Variants in RFX7 observed in about 807,000 individuals in gnomAD.
RFX7 encodes regulatory factor X7.
In RFX7, 26 loss-of-function variants were observed where a neutral mutation model predicts 111.8. The observed-to-expected ratio is 0.23, with a 90% CI of 0.17 to 0.32. The LOEUF (loss-of-function observed/expected upper bound fraction) is 0.32. RFX7 is among the 10% of genes least tolerant of loss of function. The probability of loss-of-function intolerance (pLI) is 1.00; values close to 1 mark genes in which losing one functional copy is unlikely to be tolerated. For missense variants in RFX7, 1,573 were observed against 1,772.9 expected (o/e 0.89, Z 2.02); for synonymous variants, 624 against 624.4 (o/e 1.00, Z 0.01).
chr15:56,177,562 T>A (rs971856098), intron 3 of RFX7, among the ~76,000 whole-genome samples: 1 of 152,190 alleles, frequency 6.6e-6, no homozygotes, highest in Non-Finnish European at 1.5e-5. Flanking sequence ...ATTTCTGAAC[T>A]CTTAAAAGAC....
chr15:56,131,982 T>A (rs1230193279), intron 5 of RFX7, among the ~76,000 whole-genome samples: 2 of 152,090 alleles, frequency 1.3e-5, no homozygotes, highest in African/African-American at 4.8e-5. Context: ...TATTTATTCA[T>A]TTTTTCATAT....
At chr15:56,238,309 T>A in intron 2 of RFX7, among the ~76,000 whole-genome samples, 1 of 152,170 alleles carries the variant, frequency 6.6e-6, no homozygotes, top group Admixed American at 6.5e-5. Context: ...TTGATTGTCA[T>A]CATCATAAGA....
intron 2 of RFX7, among the ~76,000 whole-genome samples, chr15:56,218,598 A>G (rs72738682): frequency 0.13 from 19,810 of 152,212 alleles, 1,696 homozygotes; most frequent in East Asian, 0.44. Flanking sequence ...CTAGGCCTCT[A>G]GAGGTGAGGA....
rs950189120 is a variant in RFX7, at chr15:56,112,574, C to T, written c.402-8904G>A. Among the ~76,000 whole-genome samples, 17 of 152,118 alleles carry T rather than the reference C, an allele frequency of 1.1e-4. No individual in the cohort carries two copies. In the South Asian group the frequency reaches 2.1e-3, roughly 19 times the overall value. On this transcript the variant is annotated intron_variant, in intron 5 of 9. Coordinates refer to ENST00000559447, the MANE Select transcript of RFX7 (RefSeq NM_022841.7). ...ATCCTAGAAGAAAATCTAGGCAATA[C>T]CATTCAGGACATAGGCATGGGAGAA...
chr15:56,102,381 C>T, intron 6 of RFX7, 128 bp from the exon 7 acceptor site: 1 of 536,884 alleles, frequency 1.9e-6, no homozygotes, highest in Admixed American at 3.6e-5. Context: ...TTTCTGAATT[C>T]TTCAGTAAGA....
intron 2 of RFX7, among the ~76,000 whole-genome samples, chr15:56,232,440 G>C (rs1208554239): frequency 6.6e-6 from 1 of 152,092 alleles, no homozygotes; most frequent in Admixed American, 6.5e-5. Flanking sequence ...TTACCTCCTA[G>C]GCCGCTGGGT....
intron 5 of RFX7, among the ~76,000 whole-genome samples, chr15:56,105,844 G>GTT (rs1267353819): frequency 1.3e-5 from 2 of 152,112 alleles, no homozygotes; most frequent in Non-Finnish European, 1.5e-5. Context: ...AAAGGCTCAT[G>GTT]TTTTTAAAGA....
At chr15:56,139,324 C>T (rs1235005914) in intron 5 of RFX7, among the ~76,000 whole-genome samples, 2 of 151,908 alleles carry the variant, frequency 1.3e-5, no homozygotes, top group East Asian at 3.9e-4. Context: ...TCTTTTTATT[C>T]TTTTTTCTCT....
rs767136127 is a variant in RFX7 at position 56,093,823 on chromosome 15, A to C, written c.3905T>G (p.Ile1302Ser). 3.7e-6 allele frequency: 6 copies of C among 1,613,914 alleles called. No homozygotes were observed. In the Admixed American group the frequency reaches 8.3e-5, roughly 22 times the overall value. ...VFPSANPQNMIDSSTSVYEFQ... is the reference protein window; with the variant it reads ...VFPSANPQNMSDSSTSVYEFQ... ...CTCATAAACAGAAGTGCTGGAATCG[A>C]TCATATTTTGTGGGTTGGCACTAGG... The change falls in exon 10 of 10, where the codon ATC becomes AGC. Residue 1302 changes from isoleucine (I) to serine (S), a missense_variant. Ile to Ser is a moderately radical substitution (Grantham distance 142). This residue lies in a region of RFX7 where 411 missense variants were observed against 478.1 expected (regional missense o/e 0.86). Coordinates refer to ENST00000559447, the MANE Select transcript of RFX7 (RefSeq NM_022841.7).
intron 3 of RFX7, among the ~76,000 whole-genome samples, chr15:56,148,975 C>T (rs1053647209): frequency 1.7e-4 from 25 of 150,414 alleles, no homozygotes; most frequent in East Asian, 5.9e-4. Flanking sequence ...CCCAGCTACT[C>T]GGGAGGCTGA....
Position 56,094,875 on chromosome 15 carries a change from T to C in RFX7, c.2853A>G (p.Thr951=), listed in dbSNP as rs1451977031. 1.3e-5 allele frequency: 20 copies of C among 1,550,400 alleles called. No individual in the cohort carries two copies. Among genetic ancestry groups the C allele is most frequent in the Non-Finnish European group, 1.7e-5 (19 of 1,146,786 alleles). Residue 951 remains threonine (T), a synonymous_variant, in exon 10 of 10, where the codon ACA becomes ACG. Transcript: ENST00000559447. ...NGTPIHTPTP[T]PTPTPTPTPT... ...GGGTTGGAGTAGGAGTGGGTGTGGG[T>C]GTGGGTGTGGGTGTGTGGATTGGAG...
At position 56,094,692 on chromosome 15, in the gene RFX7, A is replaced by G. The variant is rs542523359; in HGVS notation, c.3036T>C (p.Ser1012=). 5.0e-6 allele frequency: 8 copies of G among 1,613,914 alleles called. No homozygotes were observed. In the South Asian group the frequency reaches 7.7e-5, roughly 16 times the overall value. ...TGCATTCAACAGGGCTGGGGGGGAC[A>G]CTACTGCTGCAGTTAGAATGTGGAG... ...IGTPHSNCSS[S]VPPSPVECRN... is the part of the protein sequence containing the mutation. Residue 1012 remains serine (S), a synonymous_variant, in exon 10 of 10, where the codon AGT becomes AGC. Transcript: ENST00000559447.
intron 2 of RFX7, among the ~76,000 whole-genome samples, chr15:56,216,413 G>A (rs1201478538): frequency 1.3e-5 from 2 of 151,978 alleles, no homozygotes; most frequent in Non-Finnish European, 2.9e-5. Context: ...AAATTTATTG[G>A]CATCAAGTTG....
At chr15:56,156,380 T>A (rs2042652833) in intron 3 of RFX7, among the ~76,000 whole-genome samples, 2 of 152,120 alleles carry the variant, frequency 1.3e-5, no homozygotes, top group Admixed American at 6.5e-5. Flanking sequence ...ATGCTAACCT[T>A]TTGGCATGTT....
intron 5 of RFX7, among the ~76,000 whole-genome samples, chr15:56,110,092 G>C (rs1287773437): frequency 6.1e-5 from 8 of 131,740 alleles, no homozygotes; most frequent in Non-Finnish European, 1.1e-4. Context: ...GAGGGAGGTG[G>C]GGGGGTCAGC....
intron 2 of RFX7, among the ~76,000 whole-genome samples, chr15:56,241,030 GTTTA>G (rs879759951): frequency 5.3e-5 from 8 of 151,964 alleles, no homozygotes; most frequent in Non-Finnish European, 1.2e-4. Flanking sequence ...TACAAATGTT[GTTTA>G]TTCCGAAATT....
chr15:56,162,724 A>G (rs1185359370), intron 3 of RFX7, among the ~76,000 whole-genome samples: 1 of 152,102 alleles, frequency 6.6e-6, no homozygotes, highest in Non-Finnish European at 1.5e-5. Flanking sequence ...TAAAAAAAGG[A>G]AAGAGTAAAA....
At chr15:56,148,060 GTC>G (rs2042508682) in intron 3 of RFX7, among the ~76,000 whole-genome samples, 1 of 152,178 alleles carries the variant, frequency 6.6e-6, no homozygotes, top group African/African-American at 2.4e-5. Flanking sequence ...TATTATTCAA[GTC>G]TTTTGAATGA....
At chr15:56,214,881 T>C (rs1474265634) in intron 2 of RFX7, among the ~76,000 whole-genome samples, 7 of 151,890 alleles carry the variant, frequency 4.6e-5, no homozygotes, top group Non-Finnish European at 1.0e-4. Context: ...TCTGTGTAGA[T>C]TGAGTTTTCC....
Sources: allele counts gnomAD v4.1 joint callset (sites outside exome capture counted in the v4.1 genomes callset), GRCh38; gene constraint gnomAD v4.1.1; regional missense constraint gnomAD v4.1.1; transcripts MANE v1.5; gene names NCBI Gene and HGNC (gene_info 2026-07-23, HGNC 2026-07-21).